PDPR: variants seen among roughly 807,000 people sequenced by gnomAD.
PDPR encodes pyruvate dehydrogenase phosphatase regulatory subunit.
Under a neutral mutation model 102.2 loss-of-function variants are expected in PDPR, and 50 were observed. The observed-to-expected ratio is 0.49, with a 90% CI of 0.39 to 0.62. The LOEUF is 0.62. Among genes scored for constraint, PDPR ranks in the 20% least tolerant of loss-of-function variants. The probability of loss-of-function intolerance (pLI) is 0.00; values close to 1 mark genes in which losing one functional copy is unlikely to be tolerated. For missense variants in PDPR, 625 were observed against 1,098.2 expected, an observed-to-expected ratio of 0.57 and a Z score of 6.09; for synonymous variants, 259 against 406.0, an observed-to-expected ratio of 0.64 and a Z score of 4.35.
At chr16:70,152,660 G>A (rs757673858) in intron 17 of PDPR, among the ~76,000 whole-genome samples, 2 of 152,274 alleles carry the variant, frequency 1.3e-5, no homozygotes, top group African/African-American at 2.4e-5. Flanking sequence ...TCTTTGCTAC[G>A]TCTTGCTTTG....
rs1297510068 is a variant in PDPR, at chr16:70,157,060, C to A, written c.*181C>A. The A allele has an allele frequency of 1.2e-6, 1 of 848,762 alleles. No individual in the cohort carries two copies. The highest frequency in any genetic ancestry group is 1.7e-5 in the African/African-American group (1 of 59,436). The allele number at this position is 848,762 out of a possible 1,614,324, so 52.6% of individuals were successfully genotyped here. A position where few individuals can be genotyped will look rare whatever the true frequency, so the allele number is the denominator to read the frequency against. On this transcript the variant is annotated 3_prime_UTR_variant, in exon 19 of 19. Coordinates refer to ENST00000288050, the MANE Select transcript of PDPR (RefSeq NM_017990.5). ...CTTTTTTGCTCTGCAGCCTTCCTTGCCCTTCCACCTCCTCCTCCTAATATT... is the reference window on the plus strand; with the variant it reads ...CTTTTTTGCTCTGCAGCCTTCCTTGACCTTCCACCTCCTCCTCCTAATATT...
chr16:70,162,757 G>A (rs532239018), downstream of PDPR, among the ~76,000 whole-genome samples: 6 of 152,374 alleles, frequency 3.9e-5, no homozygotes, highest in East Asian at 1.9e-4. Context: ...AATTCCGACC[G>A]GCCTTCTGCC....
At chr16:70,118,480 G>C (rs185862367) in intron 2 of PDPR, among the ~76,000 whole-genome samples, 1,392 of 146,332 alleles carry the variant, frequency 9.5e-3, no homozygotes, top group African/African-American at 0.037. Context: ...AAGTATAACC[G>C]AGTGGTCACG....
intron 17 of PDPR, among the ~76,000 whole-genome samples, chr16:70,151,140 T>C (rs1046192978): frequency 2.6e-4 from 39 of 152,366 alleles, no homozygotes; most frequent in African/African-American, 8.2e-4. Context: ...TTCACCGTGT[T>C]GGCCAGGATG....
intron 3 of PDPR, among the ~76,000 whole-genome samples, chr16:70,125,227 T>A (rs1376850349): frequency 6.6e-6 from 1 of 152,236 alleles, no homozygotes; most frequent in Non-Finnish European, 1.5e-5. Flanking sequence ...AAATACAAAT[T>A]TAGCCAGGCA....
intron 9 of PDPR, among the ~76,000 whole-genome samples, chr16:70,134,668 G>A (rs1339748408): frequency 4.0e-5 from 6 of 151,554 alleles, no homozygotes; most frequent in African/African-American, 7.3e-5. Context: ...CACCTGTAAC[G>A]CCAGCTACGT....
At chr16:70,148,124 C>A (rs1302021172) in intron 16 of PDPR, among the ~76,000 whole-genome samples, 1 of 152,238 alleles carries the variant, frequency 6.6e-6, no homozygotes, top group African/African-American at 2.4e-5. Flanking sequence ...AAGACACTCG[C>A]CTTGTCCTCA....
At chr16:70,134,799 ATAATAAT>A (rs769349946) in intron 9 of PDPR, among the ~76,000 whole-genome samples, 1 of 114,516 alleles carries the variant, frequency 8.7e-6, no homozygotes, top group Non-Finnish European at 1.9e-5. Context: ...AAAAAAAAAA[ATAATAAT>A]AATAATATAG....
intron 2 of PDPR, among the ~76,000 whole-genome samples, chr16:70,117,448 G>T (rs536911412): frequency 1.3e-5 from 2 of 151,440 alleles, no homozygotes; most frequent in African/African-American, 4.9e-5. Context: ...AACCCAGGAG[G>T]CAGAGCTTGC....
intron 3 of PDPR, among the ~76,000 whole-genome samples, chr16:70,122,515 C>G (rs62053472): frequency 6.6e-6 from 1 of 151,952 alleles, no homozygotes; most frequent in Non-Finnish European, 1.5e-5. Flanking sequence ...GCTGTCCTGT[C>G]TCACTTCTGG....
At chr16:70,118,486 T>C (rs1962883584) in intron 2 of PDPR, among the ~76,000 whole-genome samples, 1 of 152,230 alleles carries the variant, frequency 6.6e-6, no homozygotes, top group South Asian at 2.1e-4. Context: ...AACCGAGTGG[T>C]CACGGGTCAG....
At chr16:70,126,982 C>G (rs1362933931) in intron 3 of PDPR, among the ~76,000 whole-genome samples, 2 of 152,270 alleles carry the variant, frequency 1.3e-5, no homozygotes, top group African/African-American at 4.8e-5. Context: ...GTAGCTGGGA[C>G]TGCAGGCATG....
At chr16:70,156,242 G>A in intron 18 of PDPR, 1 of 567,722 alleles carries the variant, frequency 1.8e-6, no homozygotes, top group Non-Finnish European at 3.0e-6. Context: ...TTATAAAATA[G>A]GAAACAAAAT....
At chr16:70,149,129 A>T (rs2152114851) in intron 17 of PDPR, among the ~76,000 whole-genome samples, 1 of 151,912 alleles carries the variant, frequency 6.6e-6, no homozygotes, top group East Asian at 1.9e-4. Flanking sequence ...TCCTGACCTC[A>T]GGTGATACAC....
At position 70,162,238 on chromosome 16, in the gene PDPR, G is replaced by C. The variant is rs1967859167; in HGVS notation, c.*5359G>C. ...ACTTGGGACATATAAAAATGCCATT[G>C]TAACTACTGTAGAGTCCTGTGACTC... On this transcript the variant is annotated 3_prime_UTR_variant, in exon 19 of 19. Transcript: ENST00000288050. The C allele has an allele frequency of 6.6e-6, 1 of 152,496 alleles. No homozygotes were observed. Among genetic ancestry groups the C allele is most frequent in the African/African-American group, 2.4e-5 (1 of 41,476 alleles). 9.4% of individuals were successfully genotyped at this position (152,496 alleles called of 1,614,324 possible). A position where few individuals can be genotyped will look rare whatever the true frequency, so the allele number is the denominator to read the frequency against.
intron 15 of PDPR, chr16:70,145,670 G>C (rs1472261989): frequency 6.5e-6 from 3 of 461,784 alleles, no homozygotes; most frequent in African/African-American, 6.0e-5. Flanking sequence ...GTTCTAGCCT[G>C]TCTTAGGATG....
At chr16:70,128,449 A>G (rs1964202673) in intron 4 of PDPR, among the ~76,000 whole-genome samples, 1 of 152,238 alleles carries the variant, frequency 6.6e-6, no homozygotes. Context: ...GCTGGTCTCA[A>G]ACTACTGACC....
At chr16:70,140,977 G>C (rs568450326) in intron 11 of PDPR, among the ~76,000 whole-genome samples, 1 of 152,256 alleles carries the variant, frequency 6.6e-6, no homozygotes, top group African/African-American at 2.4e-5. Flanking sequence ...GTTTGGGATG[G>C]TGTGAGATCA....
chr16:70,129,502 AC>A (rs1333971915), intron 6 of PDPR, among the ~76,000 whole-genome samples: 3 of 152,356 alleles, frequency 2.0e-5, no homozygotes, highest in Admixed American at 6.5e-5. Flanking sequence ...GCCCCACTAC[AC>A]CCGGCTAATT....
Sources: allele counts gnomAD v4.1 joint callset (sites outside exome capture counted in the v4.1 genomes callset), GRCh38; gene constraint gnomAD v4.1.1; transcripts MANE v1.5; gene names NCBI Gene and HGNC (gene_info 2026-07-23, HGNC 2026-07-21).